FYN: variants seen among roughly 807,000 people sequenced by gnomAD.
The protein encoded by FYN is FYN proto-oncogene, Src family tyrosine kinase, also known as tyrosine-protein kinase Fyn.
FYN carries 10 observed loss-of-function variants against 70.2 expected under a neutral mutation model. The observed-to-expected ratio is 0.14, with a 90% CI of 0.09 to 0.24. The LOEUF (loss-of-function observed/expected upper bound fraction) is 0.24, where lower values mean the gene tolerates loss of function less well. FYN is among the 10% of genes least tolerant of loss of function. The pLI is 1.00. For synonymous variants in FYN, 236 were observed against 248.6 expected, an observed-to-expected ratio of 0.95 and a Z score of 0.48; for missense variants, 319 against 673.1, an observed-to-expected ratio of 0.47 and a Z score of 5.82.
intron 12 of FYN, 75 bp from the exon 13 acceptor site, chr6:111,674,705 C>T (rs1184403183): frequency 2.0e-6 from 3 of 1,500,210 alleles, no homozygotes; most frequent in African/African-American, 2.8e-5. Context: ...GGGAAAGGCA[C>T]TTGGCAAGCT....
chr6:111,699,401 A>T, intron 9 of FYN: 3 of 1,109,446 alleles, frequency 2.7e-6, no homozygotes, highest in Non-Finnish European at 3.9e-6. Context: ...GTGCCCGTCT[A>T]GTTATCCAGG....
At chr6:111,827,099 C>T (rs1772860518) in intron 2 of FYN, among the ~76,000 whole-genome samples, 1 of 152,110 alleles carries the variant, frequency 6.6e-6, no homozygotes, top group South Asian at 2.1e-4. Flanking sequence ...ACGAGAGAGG[C>T]TGAATCTCAC....
At chr6:111,682,201 A>G (rs914177290) in intron 12 of FYN, among the ~76,000 whole-genome samples, 3 of 152,234 alleles carry the variant, frequency 2.0e-5, no homozygotes, top group Non-Finnish European at 4.4e-5. Context: ...AACTAAACGC[A>G]AAGAGTGTCA....
chr6:111,804,332 C>A (rs977402618), intron 2 of FYN, among the ~76,000 whole-genome samples: 1 of 152,144 alleles, frequency 6.6e-6, no homozygotes, highest in Non-Finnish European at 1.5e-5. Flanking sequence ...GCTTTAGAAG[C>A]GGCACCCTCT....
At chr6:111,726,170 G>A (rs569604400) in intron 3 of FYN, among the ~76,000 whole-genome samples, 1 of 152,322 alleles carries the variant, frequency 6.6e-6, no homozygotes, top group South Asian at 2.1e-4. Context: ...TTTCGGCTTT[G>A]CTGAGCAGAG....
chr6:111,731,055 G>A (rs536493030), intron 3 of FYN, among the ~76,000 whole-genome samples: 91 of 152,254 alleles, frequency 6.0e-4, no homozygotes, highest in African/African-American at 2.0e-3. Context: ...AGCACAAAGC[G>A]GCTGTTTGAA....
intron 1 of FYN, among the ~76,000 whole-genome samples, chr6:111,848,951 A>C (rs1185554182): frequency 6.6e-6 from 1 of 152,172 alleles, no homozygotes; most frequent in East Asian, 1.9e-4. Flanking sequence ...TGCAAGTTTT[A>C]GGTTTCCAAG....
chr6:111,691,605 T>C (rs1799320841), intron 12 of FYN, among the ~76,000 whole-genome samples: 1 of 152,286 alleles, frequency 6.6e-6, no homozygotes, highest in Middle Eastern at 3.4e-3. Flanking sequence ...TTCTGCCTCG[T>C]AAAGCAGCCA....
chr6:111,662,950 T>G (rs1797824274), intron 13 of FYN, among the ~76,000 whole-genome samples: 1 of 152,212 alleles, frequency 6.6e-6, no homozygotes, highest in South Asian at 2.1e-4. Context: ...TGCATAGCAC[T>G]AACAGAAGAC....
At chr6:111,684,051 A>G (rs1182149888) in intron 12 of FYN, among the ~76,000 whole-genome samples, 2 of 152,234 alleles carry the variant, frequency 1.3e-5, no homozygotes, top group African/African-American at 4.8e-5. Context: ...ATAAAGTTTT[A>G]GCATCATGTT....
At chr6:111,868,940 G>A (rs568565409) in intron 1 of FYN, among the ~76,000 whole-genome samples, 2 of 152,300 alleles carry the variant, frequency 1.3e-5, no homozygotes, top group East Asian at 3.9e-4. Flanking sequence ...CTAGTAGACC[G>A]TGAACTTCTG....
intron 1 of FYN, among the ~76,000 whole-genome samples, chr6:111,872,394 G>C (rs1454751469): frequency 6.7e-6 from 1 of 149,624 alleles, no homozygotes; most frequent in Non-Finnish European, 1.5e-5. Flanking sequence ...ACAGGGGAAA[G>C]GGGAAGGGTG....
intron 8 of FYN, among the ~76,000 whole-genome samples, chr6:111,702,229 T>G (rs1799872882): frequency 6.6e-6 from 1 of 152,174 alleles, no homozygotes; most frequent in African/African-American, 2.4e-5. Flanking sequence ...AAAACCAGTC[T>G]TTGATAAAAT....
chr6:111,848,444 C>T lies in FYN; in HGVS notation c.-122-1815G>A, dbSNP rs1033793419. On this transcript the variant is annotated intron_variant, in intron 1 of 13. Transcript: ENST00000354650. The stretch of plus-strand genomic sequence containing the variant: ...TTAGCAACCAGTACCAATAGGAAAA[C>T]GGAAAACCCATTTGAAGCTGCTGAC... 3.3e-5 allele frequency among the ~76,000 whole-genome samples: 5 copies of T among 152,336 alleles called. 1 individual carries two copies. Among genetic ancestry groups the T allele is most frequent in the Admixed American group, 3.3e-4 (5 of 15,302 alleles).
chr6:111,722,825 G>GT (rs760279883), intron 3 of FYN, among the ~76,000 whole-genome samples: 8 of 152,190 alleles, frequency 5.3e-5, no homozygotes, highest in Non-Finnish European at 1.2e-4. Flanking sequence ...TGTTAATAGT[G>GT]TCAAGGTCAA....
intron 2 of FYN, among the ~76,000 whole-genome samples, chr6:111,802,234 C>T (rs900968240): frequency 2.0e-5 from 3 of 151,210 alleles, no homozygotes; most frequent in African/African-American, 7.4e-5. Context: ...CTCCCCCTCT[C>T]CTCTCCCACT....
At chr6:111,791,033 CT>C (rs953252106) in intron 2 of FYN, among the ~76,000 whole-genome samples, 16 of 151,722 alleles carry the variant, frequency 1.1e-4, no homozygotes, top group South Asian at 6.2e-4. Context: ...TAAACTAGGT[CT>C]TTTTTTTCTG....
chr6:111,738,076 A>G (rs1801786073), intron 3 of FYN, among the ~76,000 whole-genome samples: 1 of 152,226 alleles, frequency 6.6e-6, no homozygotes, highest in Non-Finnish European at 1.5e-5. Context: ...CAATTCCAAC[A>G]TAAAGTGATG....
At chr6:111,822,712 G>T (rs891834356) in intron 2 of FYN, among the ~76,000 whole-genome samples, 4 of 151,242 alleles carry the variant, frequency 2.6e-5, no homozygotes, top group East Asian at 1.9e-4. Context: ...AAAAAAGAAA[G>T]AAATAAACAG....
Sources: allele counts gnomAD v4.1 joint callset (sites outside exome capture counted in the v4.1 genomes callset), GRCh38; gene constraint gnomAD v4.1.1; transcripts MANE v1.5; gene names NCBI Gene and HGNC (gene_info 2026-07-23, HGNC 2026-07-21).